CEP70: variants seen among roughly 807,000 people sequenced by gnomAD.
CEP70 encodes centrosomal protein 70.
CEP70 carries 70 observed loss-of-function variants against 90.9 expected under a neutral mutation model. That is an observed-to-expected ratio of 0.77 (90% CI 0.64 to 0.94). The LOEUF (loss-of-function observed/expected upper bound fraction) is 0.94. Among genes scored for constraint, CEP70 ranks in the 40% least tolerant of loss-of-function variants. The probability of loss-of-function intolerance (pLI) is 0.00; values close to 1 mark genes in which losing one functional copy is unlikely to be tolerated. For synonymous variants in CEP70, 220 were observed against 228.3 expected (o/e 0.96, Z 0.33); for missense variants, 648 against 669.0 (o/e 0.97, Z 0.35).
chr3:138,544,388 G>A, intron 6 of CEP70, among the ~76,000 whole-genome samples: 1 of 149,696 alleles, frequency 6.7e-6, no homozygotes, highest in African/African-American at 2.4e-5. Context: ...TGAGGATATA[G>A]AGAAAGAGGA....
Position 138,537,270 on chromosome 3 carries a change from T to C in CEP70, c.543A>G (p.Arg181=). ...TGCGATCTTCTTCCTCCTTTTTTAA[T>C]CTACAGACTTCCATTTGCAAAGAAG... The part of the protein sequence containing the change: ...TIASLQMEVC[R]LKKEEEDRIV... The change falls in exon 7 of 18, where the codon AGA becomes AGG. Residue 181 remains arginine, a synonymous_variant. Transcript: ENST00000264982. 1.2e-6 allele frequency: 2 copies of C among 1,609,930 alleles called. No homozygotes were observed. Among genetic ancestry groups the C allele is most frequent in the Non-Finnish European group, 1.7e-6 (2 of 1,178,332 alleles).
chr3:138,519,384 A>G (rs1576608406), intron 11 of CEP70, among the ~76,000 whole-genome samples: 1 of 152,212 alleles, frequency 6.6e-6, no homozygotes, highest in Non-Finnish European at 1.5e-5. Context: ...TAATTGTCAG[A>G]TTCATCAAAG....
At chr3:138,517,095 C>T (rs1467748811) in intron 11 of CEP70, among the ~76,000 whole-genome samples, 4 of 152,216 alleles carry the variant, frequency 2.6e-5, no homozygotes, top group Non-Finnish European at 5.9e-5. Flanking sequence ...TAATTATCAA[C>T]AGCAAAAATT....
intron 8 of CEP70, 69 bp from the exon 9 acceptor site, chr3:138,529,531 T>C: frequency 2.3e-6 from 2 of 879,596 alleles, no homozygotes; most frequent in South Asian, 1.5e-5. Flanking sequence ...ATTAAACCAA[T>C]GTAATGAGGG....
intron 11 of CEP70, among the ~76,000 whole-genome samples, chr3:138,517,924 C>G (rs2036203819): frequency 6.6e-6 from 1 of 152,190 alleles, no homozygotes; most frequent in Non-Finnish European, 1.5e-5. Context: ...AGGGAATTCC[C>G]TTTCCTAGTC....
intron 1 of CEP70, 76 bp from the exon 2 acceptor site, chr3:138,592,032 C>T: frequency 1.8e-6 from 1 of 567,196 alleles, no homozygotes; most frequent in Non-Finnish European, 3.1e-6. Flanking sequence ...TGTGTTACTC[C>T]CAGAGCAGGC....
At chr3:138,497,479 A>G (rs2034052510) in intron 17 of CEP70, 1 of 967,390 alleles carries the variant, frequency 1.0e-6, no homozygotes, top group Middle Eastern at 5.4e-4. Flanking sequence ...TAAGGTCTCT[A>G]TTTTGCCTTA....
At position 138,524,767 on chromosome 3, in the gene CEP70, G is replaced by C. The variant is rs566712568; in HGVS notation, c.944+723C>G. Among the ~76,000 whole-genome samples the C allele has an allele frequency of 1.6e-4, 24 of 152,238 alleles. 2 individuals carry two copies. The South Asian group carries it at 5.0e-3, about 32-fold the overall frequency. ...ATCATTAAAAAGTCAGGAAACAACA[G>C]GTGCTGGAGAGGATGTGGAGAAATA... is the stretch of plus-strand genomic sequence containing the variant. On this transcript the variant is annotated intron_variant, in intron 11 of 17. Coordinates refer to ENST00000264982, the MANE Select transcript of CEP70 (RefSeq NM_024491.4).
chr3:138,544,862 T>A (rs1254465383), intron 6 of CEP70, among the ~76,000 whole-genome samples: 1 of 151,274 alleles, frequency 6.6e-6, no homozygotes, highest in East Asian at 1.9e-4. Flanking sequence ...AAAAAGCAGA[T>A]CTCAGAAAGA....
chr3:138,537,003 A>AC, intron 7 of CEP70, 175 bp downstream of exon 7: 1 of 212,764 alleles, frequency 4.7e-6, no homozygotes, highest in Non-Finnish European at 9.1e-6. Flanking sequence ...CTCTAGAACA[A>AC]AAAAAAAAAA....
chr3:138,525,770 C>A (rs144266926), intron 10 of CEP70, among the ~76,000 whole-genome samples: 8 of 152,170 alleles, frequency 5.3e-5, no homozygotes, highest in South Asian at 2.1e-4. Context: ...GCCTTTTAGT[C>A]GTTTTTTGCT....
intron 6 of CEP70, among the ~76,000 whole-genome samples, chr3:138,538,016 C>T (rs889080593): frequency 1.2e-4 from 18 of 152,080 alleles, no homozygotes; most frequent in African/African-American, 3.4e-4. Context: ...ATGCCTCTCC[C>T]CTAATCTGCA....
chr3:138,506,871 G>T (rs1268827478), intron 12 of CEP70, among the ~76,000 whole-genome samples: 1 of 152,008 alleles, frequency 6.6e-6, no homozygotes, highest in Admixed American at 6.6e-5. Context: ...CCTCTCAAGT[G>T]CTAGGACTAC....
Position 138,516,361 on chromosome 3 carries a change from T to A in CEP70, c.945-7817A>T, listed in dbSNP as rs144377308. Among the ~76,000 whole-genome samples the A allele has an allele frequency of 1.5e-4, 23 of 152,206 alleles. No individual in the cohort carries two copies. In the East Asian group the frequency reaches 4.4e-3, roughly 29 times the overall value. ...TTCCACTTCTCTTTTCTTGTTTAGTTTTCCTCCTCTATTATCTTTTTTTTG... is the reference window on the plus strand; with the variant it reads ...TTCCACTTCTCTTTTCTTGTTTAGTATTCCTCCTCTATTATCTTTTTTTTG... On this transcript the variant is annotated intron_variant, in intron 11 of 17. Coordinates refer to ENST00000264982, the MANE Select transcript of CEP70 (RefSeq NM_024491.4).
At chr3:138,561,197 A>G (rs991153645) in intron 6 of CEP70, among the ~76,000 whole-genome samples, 3 of 152,148 alleles carry the variant, frequency 2.0e-5, no homozygotes, top group Non-Finnish European at 1.5e-5. Context: ...AGGAAGGAAC[A>G]GACAGCAATC....
chr3:138,568,530 C>A (rs2040938873), intron 6 of CEP70, among the ~76,000 whole-genome samples: 1 of 152,158 alleles, frequency 6.6e-6, no homozygotes, highest in Non-Finnish European at 1.5e-5. Context: ...CTTTTTCACA[C>A]CAATAAGTCA....
intron 2 of CEP70, among the ~76,000 whole-genome samples, chr3:138,586,315 A>G (rs1576955919): frequency 6.6e-6 from 1 of 152,016 alleles, no homozygotes; most frequent in Non-Finnish European, 1.5e-5. Context: ...ATGCCACCAC[A>G]CTGGCCAATT....
intron 2 of CEP70, among the ~76,000 whole-genome samples, chr3:138,581,600 G>A (rs1409779869): frequency 1.4e-5 from 2 of 147,316 alleles, no homozygotes; most frequent in East Asian, 4.1e-4. Context: ...GTATGCGGGA[G>A]ACTGAGGCAC....
chr3:138,511,526 C>A (rs1442087387), intron 11 of CEP70, among the ~76,000 whole-genome samples: 1 of 152,188 alleles, frequency 6.6e-6, no homozygotes, highest in Non-Finnish European at 1.5e-5. Flanking sequence ...GTTTGCAAAT[C>A]TGATTAATAA....
Sources: gnomAD v4.1 joint callset for allele counts (sites outside exome capture counted in the v4.1 genomes callset) on GRCh38, gnomAD v4.1.1 for gene constraint, MANE v1.5 for transcripts, NCBI Gene and HGNC (gene_info 2026-07-23, HGNC 2026-07-21) for gene names.